KLF8: variants seen among roughly 807,000 people sequenced by gnomAD.
KLF8 encodes Krueppel-like factor 8.
KLF8 carries 10 observed loss-of-function variants against 18.2 expected under a neutral mutation model. That is an observed-to-expected ratio of 0.55 (90% CI 0.34 to 0.93). KLF8 has a LOEUF of 0.93. KLF8 is among the 40% of genes least tolerant of loss of function. The probability of loss-of-function intolerance (pLI) is 0.02; values close to 1 mark genes in which losing one functional copy is unlikely to be tolerated. For missense variants in KLF8, 264 were observed against 277.9 expected (o/e 0.95, Z 0.36); for synonymous variants, 109 against 97.3 (o/e 1.12, Z -0.71).
the KLF8 span, among the ~76,000 whole-genome samples, chrX:55,945,791 T>A: frequency 1.8e-5 from 2 of 110,974 alleles, no homozygotes; most frequent in Non-Finnish European, 3.8e-5. Flanking sequence ...TTCAGCAAAG[T>A]CTCAGGATAA....
chrX:56,194,033 T>C, the KLF8 span, among the ~76,000 whole-genome samples: 2 of 111,979 alleles, frequency 1.8e-5, no homozygotes, highest in Non-Finnish European at 3.8e-5. Context: ...TTTACCCTGA[T>C]GTGATTACTG....
At chrX:56,176,370 T>G in the KLF8 span, among the ~76,000 whole-genome samples, 2 of 111,755 alleles carry the variant, frequency 1.8e-5, no homozygotes, top group African/African-American at 6.5e-5. Context: ...GAAGCTTAGT[T>G]TGGCTGGATA....
At chrX:56,284,070 G>A (rs1403441893) in intron 5 of KLF8, among the ~76,000 whole-genome samples, 2 of 112,240 alleles carry the variant, frequency 1.8e-5, no homozygotes, top group East Asian at 5.6e-4. Context: ...TAGGTAATAT[G>A]TATGTTAATT....
At chrX:55,946,269 T>A in the KLF8 span, among the ~76,000 whole-genome samples, 1 of 111,820 alleles carries the variant, frequency 8.9e-6, no homozygotes, top group Non-Finnish European at 1.9e-5. Flanking sequence ...AACAGCATGG[T>A]ACTGGTACCA....
intron 1 of KLF8, among the ~76,000 whole-genome samples, chrX:56,235,220 C>A (rs893546902): frequency 6.5e-5 from 7 of 108,469 alleles, no homozygotes; most frequent in Non-Finnish European, 1.1e-4. Flanking sequence ...AGTATATGAT[C>A]TTCTAAGATC....
chrX:55,974,207 G>A, the KLF8 span, among the ~76,000 whole-genome samples: 9 of 111,291 alleles, frequency 8.1e-5, no homozygotes, highest in African/African-American at 2.9e-4. Flanking sequence ...GGAGGAGGTT[G>A]AGGGTCAAAA....
the KLF8 span, among the ~76,000 whole-genome samples, chrX:56,192,194 A>G: frequency 1.8e-5 from 2 of 112,209 alleles, no homozygotes; most frequent in South Asian, 7.3e-4. Flanking sequence ...ACCATCTGAA[A>G]TAAGAATCAA....
At chrX:55,999,997 A>G in the KLF8 span, among the ~76,000 whole-genome samples, 2 of 111,565 alleles carry the variant, frequency 1.8e-5, no homozygotes, top group Non-Finnish European at 3.8e-5. Flanking sequence ...TATGACCTTT[A>G]TGATTTGAGG....
chrX:56,018,785 GTA>G, the KLF8 span, among the ~76,000 whole-genome samples: 3 of 110,949 alleles, frequency 2.7e-5, no homozygotes, highest in African/African-American at 6.5e-5. Context: ...GCATTTGTTT[GTA>G]TGTGTGTGTG....
At chrX:56,052,988 C>G in the KLF8 span, among the ~76,000 whole-genome samples, 3 of 111,845 alleles carry the variant, frequency 2.7e-5, no homozygotes, top group African/African-American at 9.8e-5. Flanking sequence ...TTTTTAAGCC[C>G]GTCAGAAAAG....
chrX:56,230,591 G>A (rs1214852895), upstream of KLF8, among the ~76,000 whole-genome samples: 1 of 111,523 alleles, frequency 9.0e-6, no homozygotes, highest in African/African-American at 3.3e-5. Flanking sequence ...ACATATGCAT[G>A]TGTATTTATT....
the KLF8 span, among the ~76,000 whole-genome samples, chrX:56,186,489 T>C: frequency 1.8e-5 from 2 of 110,752 alleles, no homozygotes; most frequent in Non-Finnish European, 3.8e-5. Flanking sequence ...TTAACAAGTA[T>C]ACCCAGGAAT....
the KLF8 span, among the ~76,000 whole-genome samples, chrX:56,066,333 G>T: frequency 8.9e-6 from 1 of 112,265 alleles, no homozygotes. Context: ...CTCAGGCTCT[G>T]CAGGGGCATA....
At chrX:56,234,514 TTAAAACACCTTCCAGATGTGG>T (rs2066449738) in intron 1 of KLF8, among the ~76,000 whole-genome samples, 1 of 112,451 alleles carries the variant, frequency 8.9e-6, no homozygotes, top group South Asian at 3.7e-4. Context: ...TTTTCTGTCC[TTAAAACACCTTCCAGATGTGG>T]TAAAACGAAA....
chrX:55,935,544 A>G, the KLF8 span, among the ~76,000 whole-genome samples: 2 of 112,482 alleles, frequency 1.8e-5, no homozygotes, highest in Non-Finnish European at 3.7e-5. Context: ...TGATATCAAA[A>G]AACAGAAACA....
the KLF8 span, among the ~76,000 whole-genome samples, chrX:56,149,524 C>T: frequency 9.0e-6 from 1 of 110,793 alleles, no homozygotes; most frequent in African/African-American, 3.3e-5. Context: ...TACCCCAAAC[C>T]TCAGCATCAA....
At chrX:55,927,241 C>T in the KLF8 span, among the ~76,000 whole-genome samples, 1 of 111,899 alleles carries the variant, frequency 8.9e-6, no homozygotes, top group Non-Finnish European at 1.9e-5. Context: ...AGATGTTTAG[C>T]AGTATCCCTG....
At chrX:56,130,328 C>A in the KLF8 span, among the ~76,000 whole-genome samples, 3 of 111,905 alleles carry the variant, frequency 2.7e-5, no homozygotes, top group African/African-American at 9.7e-5. Context: ...CATCAAAGCA[C>A]TCTGTGCAGA....
At chrX:56,022,490 G>A in the KLF8 span, among the ~76,000 whole-genome samples, 4 of 99,115 alleles carry the variant, frequency 4.0e-5, no homozygotes, top group Non-Finnish European at 8.0e-5. Context: ...CAGAGCTTGC[G>A]GTGAGCCGAG....
Sources: allele counts gnomAD v4.1 joint callset (sites outside exome capture counted in the v4.1 genomes callset), GRCh38; gene constraint gnomAD v4.1.1; transcripts MANE v1.5; gene names NCBI Gene and HGNC (gene_info 2026-07-23, HGNC 2026-07-21).